The following GRIA4 variants were observed in gnomAD, a reference collection of about 807,000 sequenced individuals.
The protein encoded by GRIA4 is glutamate ionotropic receptor AMPA type subunit 4, also known as glutamate receptor 4.
A neutral mutation model predicts 104.0 loss-of-function variants in GRIA4; 34 were observed. The observed-to-expected ratio is 0.33, with a 90% CI of 0.25 to 0.44. GRIA4 has a LOEUF of 0.44. GRIA4 is among the 20% of genes least tolerant of loss of function. GRIA4 has a pLI of 1.00. For synonymous variants in GRIA4, 386 were observed against 381.9 expected, an observed-to-expected ratio of 1.01 and a Z score of -0.13; for missense variants, 750 against 1,096.5, an observed-to-expected ratio of 0.68 and a Z score of 4.46.
intron 3 of GRIA4, among the ~76,000 whole-genome samples, chr11:105,692,708 A>C (rs575964088): frequency 2.6e-5 from 4 of 152,382 alleles, no homozygotes; most frequent in African/African-American, 9.6e-5. Context: ...TGCATTCACA[A>C]GTCAGTGCGT....
At chr11:105,846,470 AACATATATGTAATT>A (rs1281903584) in intron 4 of GRIA4, among the ~76,000 whole-genome samples, 1 of 152,152 alleles carries the variant, frequency 6.6e-6, no homozygotes, top group Admixed American at 6.5e-5. Flanking sequence ...TTTTGTAATG[AACATATATGTAATT>A]ACATATATGT....
At chr11:105,734,905 G>A (rs1405538892) in intron 3 of GRIA4, among the ~76,000 whole-genome samples, 1 of 152,060 alleles carries the variant, frequency 6.6e-6, no homozygotes, top group Non-Finnish European at 1.5e-5. Context: ...TCTCTACTGG[G>A]GTGTCCCCCA....
chr11:105,805,367 T>G (rs1284787153), intron 4 of GRIA4, among the ~76,000 whole-genome samples: 3 of 150,888 alleles, frequency 2.0e-5, no homozygotes, highest in Non-Finnish European at 4.4e-5. Context: ...CCATAACTGC[T>G]GGTTAAGAGG....
At position 105,838,275 on chromosome 11, in the gene GRIA4, A is replaced by T. The variant is rs1254257571; in HGVS notation, c.488-23749A>T. On this transcript the variant is annotated intron_variant, in intron 4 of 16. Transcript: ENST00000282499. ...CGGTAACATCAGTCTTTTTCTACAC[A>T]ATGATGTAGCATGTGTGTTTTATTT... Among the ~76,000 whole-genome samples, 4 of 152,172 alleles carry T rather than the reference A, an allele frequency of 2.6e-5. No homozygotes were observed. In the East Asian group the frequency reaches 5.8e-4, roughly 22 times the overall value.
chr11:105,852,730 G>C (rs1478613932), intron 4 of GRIA4, among the ~76,000 whole-genome samples: 4 of 152,106 alleles, frequency 2.6e-5, no homozygotes, highest in Non-Finnish European at 5.9e-5. Flanking sequence ...ATAAAAATTA[G>C]GCGAATCATA....
At chr11:105,720,647 T>C (rs527405887) in intron 3 of GRIA4, among the ~76,000 whole-genome samples, 88 of 152,324 alleles carry the variant, frequency 5.8e-4, no homozygotes, top group Admixed American at 1.4e-3. Context: ...GCTTGATCCC[T>C]TAGACGTTTA....
chr11:105,839,968 C>T (rs111836040), intron 4 of GRIA4, among the ~76,000 whole-genome samples: 1 of 151,934 alleles, frequency 6.6e-6, no homozygotes, highest in Non-Finnish European at 1.5e-5. Flanking sequence ...AGGCTTAAGC[C>T]TACCTTATCT....
At chr11:105,812,061 G>T (rs1270059106) in intron 4 of GRIA4, among the ~76,000 whole-genome samples, 1 of 152,228 alleles carries the variant, frequency 6.6e-6, no homozygotes, top group African/African-American at 2.4e-5. Context: ...GGGAGAGTGC[G>T]AGCAGGAGAA....
At chr11:105,617,456 C>A (rs192738426) in intron 3 of GRIA4, among the ~76,000 whole-genome samples, 1 of 151,880 alleles carries the variant, frequency 6.6e-6, no homozygotes, top group Admixed American at 6.6e-5. Flanking sequence ...TACCTACTAT[C>A]CTAGTGCTTT....
chr11:105,691,477 T>A (rs1953080551), intron 3 of GRIA4, among the ~76,000 whole-genome samples: 1 of 152,222 alleles, frequency 6.6e-6, no homozygotes, highest in South Asian at 2.1e-4. Flanking sequence ...ATCTGGATAA[T>A]AAGTAGTTTG....
At chr11:105,788,860 T>C (rs73540361) in intron 4 of GRIA4, among the ~76,000 whole-genome samples, 2,192 of 152,202 alleles carry the variant, frequency 0.014, 68 homozygotes, top group African/African-American at 0.049. Context: ...AATAAGGAGA[T>C]TCAACTCTCC....
chr11:105,879,940 T>C (rs570035484), intron 5 of GRIA4, among the ~76,000 whole-genome samples: 3 of 152,292 alleles, frequency 2.0e-5, no homozygotes, highest in South Asian at 2.1e-4. Context: ...ATGGAAACTA[T>C]AGTCAAAAGA....
intron 3 of GRIA4, among the ~76,000 whole-genome samples, chr11:105,742,007 T>C (rs906653699): frequency 2.0e-5 from 3 of 152,098 alleles, no homozygotes; most frequent in Non-Finnish European, 4.4e-5. Flanking sequence ...GTGTTCATCA[T>C]AAAAAAATTA....
At chr11:105,704,404 A>C (rs144119017) in intron 3 of GRIA4, among the ~76,000 whole-genome samples, 1 of 152,208 alleles carries the variant, frequency 6.6e-6, no homozygotes, top group East Asian at 1.9e-4. Context: ...TTAGATATGC[A>C]AAGGCCCTAT....
intron 6 of GRIA4, among the ~76,000 whole-genome samples, chr11:105,893,694 C>T (rs902451699): frequency 2.0e-5 from 3 of 152,092 alleles, no homozygotes; most frequent in Admixed American, 2.0e-4. Flanking sequence ...CTGTGGATAA[C>T]GCTATGAAAG....
At chr11:105,836,094 A>C (rs1944173127) in intron 4 of GRIA4, among the ~76,000 whole-genome samples, 1 of 152,240 alleles carries the variant, frequency 6.6e-6, no homozygotes, top group South Asian at 2.1e-4. Flanking sequence ...GTAAAGAGTT[A>C]AGGCCCCTAA....
At chr11:105,960,418 A>G (rs618780) in intron 14 of GRIA4, among the ~76,000 whole-genome samples, 151,033 of 152,270 alleles carry the variant, frequency 0.99, 74,914 homozygotes, top group Middle Eastern at 1. Context: ...CGGTGTGTTG[A>G]GCTGTGGGGA....
At chr11:105,786,568 G>A (rs995233397) in intron 4 of GRIA4, among the ~76,000 whole-genome samples, 3 of 151,968 alleles carry the variant, frequency 2.0e-5, no homozygotes, top group Non-Finnish European at 2.9e-5. Context: ...GCTAGGTTCC[G>A]GGAATTAAAA....
intron 4 of GRIA4, among the ~76,000 whole-genome samples, chr11:105,790,944 G>A (rs985779936): frequency 2.6e-5 from 4 of 152,066 alleles, no homozygotes; most frequent in East Asian, 3.9e-4. Context: ...AATGCTCTTC[G>A]TATTGACAGC....
Sources: allele counts gnomAD v4.1 joint callset (sites outside exome capture counted in the v4.1 genomes callset), GRCh38; gene constraint gnomAD v4.1.1; transcripts MANE v1.5; gene names NCBI Gene and HGNC (gene_info 2026-07-23, HGNC 2026-07-21).